The following SEMA5A variants were observed in gnomAD, a reference collection of about 807,000 sequenced individuals.
SEMA5A encodes semaphorin-5A.
A neutral mutation model predicts 135.5 loss-of-function variants in SEMA5A; 55 were observed. That is an observed-to-expected ratio of 0.41 (90% CI 0.33 to 0.51). SEMA5A has a LOEUF of 0.51. Ranked by LOEUF, SEMA5A falls within the 20% of genes least tolerant of loss-of-function variation. The pLI, the probability that SEMA5A is intolerant of heterozygous loss-of-function variation, is 0.37. For missense variants in SEMA5A, 1,290 were observed against 1,419.9 expected (o/e 0.91, Z 1.47); for synonymous variants, 580 against 546.5 (o/e 1.06, Z -0.85).
chr5:9,499,635 G>T (rs1735478883), intron 1 of SEMA5A, among the ~76,000 whole-genome samples: 1 of 152,134 alleles, frequency 6.6e-6, no homozygotes, highest in Non-Finnish European at 1.5e-5. Context: ...CTTTACTCAT[G>T]GTCCAGAAAT....
rs371178121 is a variant in SEMA5A, at chr5:9,122,788, G to A, written c.1649C>T (p.Thr550Met). 3.8e-5 allele frequency: 61 copies of A among 1,612,154 alleles called. No homozygotes were observed. Among genetic ancestry groups the A allele is most frequent in the Middle Eastern group, 1.7e-4 (1 of 6,054 alleles). The change falls in exon 14 of 23, where the codon ACG becomes ATG. Residue 550 changes from threonine to methionine, a missense_variant. Physicochemically the swap from Thr to Met is moderately conservative, Grantham distance 81 (BLOSUM62 -1). Coordinates refer to ENST00000382496, the MANE Select transcript of SEMA5A (RefSeq NM_003966.3). ...GCTGCCATCTGTGTGCGTGCAAGGC[G>A]TCCACGGAGACCACACACCAAAGTG... ...DGHFGVWSPWTPCTHTDGSAV... is the reference protein window; with the variant it reads ...DGHFGVWSPWMPCTHTDGSAV...
chr5:9,284,492 C>A (rs1487241127), intron 5 of SEMA5A, among the ~76,000 whole-genome samples: 1 of 152,116 alleles, frequency 6.6e-6, no homozygotes, highest in Non-Finnish European at 1.5e-5. Context: ...AACAATGAGC[C>A]AGCATATAAG....
chr5:9,507,008 T>G (rs180704255), intron 1 of SEMA5A, among the ~76,000 whole-genome samples: 1 of 152,346 alleles, frequency 6.6e-6, no homozygotes, highest in Admixed American at 6.5e-5. Context: ...TGGGCATCAA[T>G]TCCTTGTAGA....
rs1276470436 is a variant in SEMA5A, at chr5:9,510,896, T to C, written c.-175+34688A>G. Among the ~76,000 whole-genome samples the C allele has an allele frequency of 2.0e-5, 3 of 152,224 alleles. No individual in the cohort carries two copies. In the East Asian group the frequency reaches 5.8e-4, roughly 29 times the overall value. On this transcript the variant is annotated intron_variant, in intron 1 of 22. Transcript: ENST00000382496. ...TGGAGCATATTTTTGGTGACAACTA[T>C]TGGACATACGAATTGTCACCAACTG...
chr5:9,310,802 C>CGTATAT (rs1752091245), intron 5 of SEMA5A, among the ~76,000 whole-genome samples: 1 of 146,234 alleles, frequency 6.8e-6, no homozygotes. Flanking sequence ...TGCATATATA[C>CGTATAT]ATATATATAT....
In SEMA5A at chr5:9,036,860, A is replaced by G. The variant is rs1181559005; in HGVS notation, c.*6037T>C. On this transcript the variant is annotated 3_prime_UTR_variant, in exon 23 of 23. Coordinates refer to ENST00000382496, the MANE Select transcript of SEMA5A (RefSeq NM_003966.3). ...CTAGCAACTTTTTCTAGGAAATTAA[A>G]CTACCGCACTTACAGAGAGGGAAGA... 1 of 152,646 alleles carries G rather than the reference A, an allele frequency of 6.6e-6. No individual in the cohort carries two copies. Among genetic ancestry groups the G allele is most frequent in the East Asian group, 1.9e-4 (1 of 5,200 alleles). The allele number at this position is 152,646 out of a possible 1,614,324, so 9.5% of individuals were successfully genotyped here.
intron 12 of SEMA5A, among the ~76,000 whole-genome samples, chr5:9,144,494 C>T (rs1742226037): frequency 6.6e-6 from 1 of 152,124 alleles, no homozygotes; most frequent in South Asian, 2.1e-4. Flanking sequence ...CTGTGTAGTA[C>T]AGCCCACCCC....
At chr5:9,537,542 A>C (rs777094328) in intron 1 of SEMA5A, among the ~76,000 whole-genome samples, 6 of 152,192 alleles carry the variant, frequency 3.9e-5, no homozygotes, top group Non-Finnish European at 8.8e-5. Flanking sequence ...GTATCCTCAT[A>C]AATAACTCCT....
intron 4 of SEMA5A, among the ~76,000 whole-genome samples, chr5:9,328,352 A>T (rs1164899703): frequency 6.6e-6 from 1 of 152,202 alleles, no homozygotes; most frequent in Admixed American, 6.5e-5. Flanking sequence ...TGCACACAAT[A>T]TGGTGGACGT....
At chr5:9,112,715 C>T (rs1048755995) in intron 15 of SEMA5A, among the ~76,000 whole-genome samples, 18 of 152,146 alleles carry the variant, frequency 1.2e-4, no homozygotes, top group African/African-American at 4.1e-4. Flanking sequence ...TAACATGTTC[C>T]CCGTGATCCC....
intron 1 of SEMA5A, chr5:9,523,098 T>C (rs1736926980): frequency 1.3e-5 from 2 of 152,192 alleles, no homozygotes; most frequent in Admixed American, 6.5e-5. Context: ...TCCTTATTTA[T>C]GTAAAATGGG....
chr5:9,409,168 G>T (rs549434103), intron 2 of SEMA5A, among the ~76,000 whole-genome samples: 1 of 152,310 alleles, frequency 6.6e-6, no homozygotes, highest in African/African-American at 2.4e-5. Context: ...TCATTAAATA[G>T]ATTTTCTACA....
intron 21 of SEMA5A, among the ~76,000 whole-genome samples, chr5:9,049,691 A>C (rs1035613006): frequency 1.5e-4 from 23 of 152,204 alleles, no homozygotes; most frequent in Admixed American, 1.4e-3. Context: ...ATTGGCTCGG[A>C]TTCTGAAAGG....
In SEMA5A at chr5:9,424,638, C is replaced by T. The variant is rs571414076; in HGVS notation, c.-78+13118G>A. On this transcript the variant is annotated intron_variant, in intron 2 of 22. Transcript: ENST00000382496. ...TAACATTGCCCTAGAAGAACTGTTG[C>T]GTTTCCCTCCAACCCCTATACCTCC... is the stretch of plus-strand genomic sequence containing the variant. Among the ~76,000 whole-genome samples the T allele has an allele frequency of 2.6e-4, 39 of 152,108 alleles. 1 individual carries two copies. The highest frequency in any genetic ancestry group is 1.6e-3 in the Admixed American group (24 of 15,282).
At position 9,036,738 on chromosome 5, in the gene SEMA5A, G is replaced by A. The variant is rs1384051452; in HGVS notation, c.*6159C>T. 6.6e-6 allele frequency: 1 copy of A among 152,546 alleles called. No individual in the cohort carries two copies. The highest frequency in any genetic ancestry group is 2.4e-5 in the African/African-American group (1 of 41,416). The allele number at this position is 152,546 out of a possible 1,614,324, so 9.4% of individuals were successfully genotyped here. On this transcript the variant is annotated 3_prime_UTR_variant, in exon 23 of 23. Coordinates refer to ENST00000382496, the MANE Select transcript of SEMA5A (RefSeq NM_003966.3). Reference sequence around the variant, plus strand: ...TTCCTGAGTTCAAAGAGACATAGGAGAATAATTTTCTTTAAAGTAAATCCA... The same window carrying A: ...TTCCTGAGTTCAAAGAGACATAGGAAAATAATTTTCTTTAAAGTAAATCCA...
intron 19 of SEMA5A, among the ~76,000 whole-genome samples, chr5:9,053,017 C>G (rs1736677005): frequency 6.6e-6 from 1 of 152,118 alleles, no homozygotes; most frequent in Non-Finnish European, 1.5e-5. Context: ...TTTGGAATGA[C>G]AGTGAGAATC....
At chr5:9,219,985 A>G (rs1331519461) in intron 8 of SEMA5A, among the ~76,000 whole-genome samples, 6 of 152,222 alleles carry the variant, frequency 3.9e-5, no homozygotes, top group East Asian at 3.9e-4. Context: ...ATAGAAAAAA[A>G]AATGTGATTA....
intron 18 of SEMA5A, among the ~76,000 whole-genome samples, chr5:9,057,977 G>T (rs1023129486): frequency 6.6e-6 from 1 of 152,138 alleles, no homozygotes; most frequent in Non-Finnish European, 1.5e-5. Context: ...AGATCTTAAT[G>T]AAATAGCCTT....
chr5:9,267,754 C>A (rs1360276028), intron 5 of SEMA5A, among the ~76,000 whole-genome samples: 2 of 152,208 alleles, frequency 1.3e-5, no homozygotes, highest in South Asian at 2.1e-4. Context: ...ACTTCAGAAT[C>A]ATCTCTGGCC....
Sources: allele counts gnomAD v4.1 joint callset (sites outside exome capture counted in the v4.1 genomes callset), GRCh38; gene constraint gnomAD v4.1.1; transcripts MANE v1.5; gene names NCBI Gene and HGNC (gene_info 2026-07-23, HGNC 2026-07-21).